The following GABRB1 variants were observed in gnomAD, a reference collection of about 807,000 sequenced individuals.
GABRB1 encodes gamma-aminobutyric acid type A receptor subunit beta1.
A neutral mutation model predicts 51.6 loss-of-function variants in GABRB1; 17 were observed. The ratio of observed to expected loss-of-function variants is 0.33; its 90% confidence interval spans 0.23 to 0.49. The LOEUF (loss-of-function observed/expected upper bound fraction) is 0.49. Ranked by LOEUF, GABRB1 falls within the 20% of genes least tolerant of loss-of-function variation. The pLI is 0.99. For missense variants in GABRB1, 410 were observed against 600.6 expected (o/e 0.68, Z 3.32); for synonymous variants, 247 against 218.9 (o/e 1.13, Z -1.14).
chr4:47,127,530 C>CT (rs79019770), intron 3 of GABRB1, among the ~76,000 whole-genome samples: 77 of 148,534 alleles, frequency 5.2e-4, no homozygotes, highest in African/African-American at 1.2e-3. Flanking sequence ...AGGACTCTCA[C>CT]TTTTTTTTTT....
rs573037108 is a variant in GABRB1 at position 47,234,674 on chromosome 4, C to T, written c.461+73205C>T. Among the ~76,000 whole-genome samples the T allele has an allele frequency of 3.3e-5, 5 of 152,158 alleles. No homozygotes were observed. The South Asian group carries it at 1.0e-3, about 32-fold the overall frequency. On this transcript the variant is annotated intron_variant, in intron 4 of 8. Coordinates refer to ENST00000295454, the MANE Select transcript of GABRB1 (RefSeq NM_000812.4). ...ACTGCCATCTTAAATTTAAGTTACC[C>T]TAATTTAGGGCGTTTGAAAAGGAAG...
rs559278924 is a variant in GABRB1 at position 47,016,560 on chromosome 4, ATTATTTATTTAT to A, written c.-19-15337_-19-15326del. Among the ~76,000 whole-genome samples the A allele has an allele frequency of 2.0e-4, 30 of 151,684 alleles. No homozygotes were observed. The South Asian group carries it at 5.0e-3, about 25-fold the overall frequency. ...GGTGACAAAATTTCTATCTGTGCAG[ATTATTTATTTAT>A]TTATTTATTTATTTATCTATCTATC... On this transcript the variant is annotated intron_variant, in intron 1 of 3. Transcript: ENST00000513567.
chr4:47,160,198 G>A (rs992584795), intron 3 of GABRB1, among the ~76,000 whole-genome samples: 7 of 151,978 alleles, frequency 4.6e-5, no homozygotes, highest in Non-Finnish European at 1.0e-4. Context: ...AAGTTCAGGG[G>A]GATATCCTCT....
chr4:47,370,581 A>G (rs532564761), intron 5 of GABRB1, among the ~76,000 whole-genome samples: 1 of 152,302 alleles, frequency 6.6e-6, no homozygotes, highest in South Asian at 2.1e-4. Context: ...AGCTGAAGTT[A>G]GGGTTTATGA....
In GABRB1 at chr4:47,222,036, G is replaced by C. The variant is rs572619818; in HGVS notation, c.461+60567G>C. Among the ~76,000 whole-genome samples the C allele has an allele frequency of 7.2e-5, 11 of 152,136 alleles. No individual in the cohort carries two copies. In the East Asian group the frequency reaches 2.1e-3, roughly 29 times the overall value. ...CATTTTAAAAATCAAAATTACGAATGATAATGCAAAAATGTGAAAAACATA... is the reference window on the plus strand; with the variant it reads ...CATTTTAAAAATCAAAATTACGAATCATAATGCAAAAATGTGAAAAACATA... On this transcript the variant is annotated intron_variant, in intron 4 of 8. Coordinates refer to ENST00000295454, the MANE Select transcript of GABRB1 (RefSeq NM_000812.4).
chr4:47,032,088 A>G, intron 2 of GABRB1, 83 bp downstream of exon 2: 1 of 878,568 alleles, frequency 1.1e-6, no homozygotes, highest in Non-Finnish European at 1.7e-6. Flanking sequence ...AAAAAAAAAG[A>G]AAAGGCATGT....
intron 4 of GABRB1, among the ~76,000 whole-genome samples, chr4:47,228,292 AATTATG>A (rs1045715431): frequency 1.3e-5 from 2 of 152,148 alleles, no homozygotes; most frequent in African/African-American, 4.8e-5. Context: ...AAACCAGATG[AATTATG>A]ACATTCTAAA....
chr4:47,319,569 T>G (rs562808641), intron 4 of GABRB1, among the ~76,000 whole-genome samples: 1 of 152,212 alleles, frequency 6.6e-6, no homozygotes, highest in Admixed American at 6.5e-5. Flanking sequence ...TGTTTTGACA[T>G]GCTGTTGAAT....
intron 3 of GABRB1, among the ~76,000 whole-genome samples, chr4:47,143,390 A>T (rs558651429): frequency 4.0e-4 from 61 of 151,928 alleles, no homozygotes; most frequent in African/African-American, 1.4e-3. Flanking sequence ...CCCTTTTAGG[A>T]CATTCCGTCC....
chr4:47,424,811 A>C (rs933389259), intron 8 of GABRB1, among the ~76,000 whole-genome samples: 2 of 152,140 alleles, frequency 1.3e-5, no homozygotes, highest in African/African-American at 2.4e-5. Context: ...CTGTGCTCAC[A>C]TTTTCTGTAG....
At chr4:47,019,877 A>G (rs1577830933) in intron 1 of GABRB1, among the ~76,000 whole-genome samples, 1 of 127,540 alleles carries the variant, frequency 7.8e-6, no homozygotes, top group East Asian at 2.5e-4. Context: ...GCTAATTTAT[A>G]TATATATATA....
At chr4:47,059,690 T>G (rs558952208) in intron 3 of GABRB1, among the ~76,000 whole-genome samples, 1 of 152,196 alleles carries the variant, frequency 6.6e-6, no homozygotes, top group Admixed American at 6.5e-5. Context: ...GTGTTCTGCC[T>G]CTGGTGGTCA....
intron 1 of GABRB1, among the ~76,000 whole-genome samples, chr4:47,008,025 T>G (rs1174159189): frequency 5.9e-5 from 9 of 151,956 alleles, no homozygotes; most frequent in Admixed American, 5.9e-4. Flanking sequence ...AATTTGCCCT[T>G]ACGCATTATT....
chr4:47,294,739 CT>C, intron 4 of GABRB1, among the ~76,000 whole-genome samples: 1 of 152,352 alleles, frequency 6.6e-6, no homozygotes, highest in Admixed American at 6.5e-5. Context: ...TGTCTGACAG[CT>C]TTGAAGGGAG....
intron 5 of GABRB1, among the ~76,000 whole-genome samples, chr4:47,374,170 G>A (rs1177956197): frequency 6.6e-6 from 1 of 152,188 alleles, no homozygotes; most frequent in East Asian, 1.9e-4. Context: ...TGATTGAATT[G>A]TTTACATAAT....
chr4:47,022,917 C>G (rs1397821002), intron 1 of GABRB1, among the ~76,000 whole-genome samples: 2 of 151,944 alleles, frequency 1.3e-5, no homozygotes, highest in Non-Finnish European at 2.9e-5. Flanking sequence ...GGTTTGGAAG[C>G]AACCTAAGAG....
chr4:47,183,713 G>A (rs1181621920), intron 4 of GABRB1, among the ~76,000 whole-genome samples: 1 of 151,604 alleles, frequency 6.6e-6, no homozygotes, highest in Non-Finnish European at 1.5e-5. Context: ...CCCTGCTAGT[G>A]TTGCCTTACA....
At chr4:47,160,964 A>C (rs1054557764) in intron 3 of GABRB1, among the ~76,000 whole-genome samples, 13 of 151,780 alleles carry the variant, frequency 8.6e-5, no homozygotes, top group African/African-American at 2.7e-4. Flanking sequence ...CTTTAAAAAA[A>C]TTATTTTTTG....
chr4:47,070,033 T>TC (rs1347160270), intron 3 of GABRB1, among the ~76,000 whole-genome samples: 2 of 151,688 alleles, frequency 1.3e-5, no homozygotes, highest in African/African-American at 4.8e-5. Context: ...GCTGTTTTTT[T>TC]TTTTCTTTTC....
Sources: allele counts gnomAD v4.1 joint callset (sites outside exome capture counted in the v4.1 genomes callset), GRCh38; gene constraint gnomAD v4.1.1; transcripts MANE v1.5; gene names NCBI Gene and HGNC (gene_info 2026-07-23, HGNC 2026-07-21).